PDZD2: variants seen among roughly 807,000 people sequenced by gnomAD.
The protein encoded by PDZD2 is PDZ domain-containing protein 2.
PDZD2 carries 90 observed loss-of-function variants against 220.7 expected under a neutral mutation model. The ratio of observed to expected loss-of-function variants is 0.41; its 90% CI spans 0.34 to 0.49. The LOEUF (loss-of-function observed/expected upper bound fraction) is 0.49, where lower values mean the gene tolerates loss of function less well. PDZD2 is among the 20% of genes least tolerant of loss of function. PDZD2 has a pLI of 0.28. For missense variants in PDZD2, 3,174 were observed against 3,608.5 expected (o/e 0.88, Z 3.08); for synonymous variants, 1,375 against 1,450.5 (o/e 0.95, Z 1.18).
At chr5:31,755,849 G>A (rs1263632546) in intron 1 of PDZD2, among the ~76,000 whole-genome samples, 2 of 152,116 alleles carry the variant, frequency 1.3e-5, no homozygotes, top group African/African-American at 4.8e-5. Context: ...GAGAGGAGGA[G>A]CGGGGCCAAG....
At chr5:31,797,136 G>T (rs1754094685) in intron 1 of PDZD2, among the ~76,000 whole-genome samples, 1 of 124,866 alleles carries the variant, frequency 8.0e-6, no homozygotes, top group South Asian at 2.6e-4. Context: ...GTAGAGACGG[G>T]CTTTCACTGT....
intron 2 of PDZD2, among the ~76,000 whole-genome samples, chr5:31,962,913 G>A (rs989269742): frequency 5.9e-5 from 9 of 152,062 alleles, no homozygotes; most frequent in Non-Finnish European, 1.0e-4. Context: ...AATTTTTCTC[G>A]GTGTTTGTTT....
At chr5:31,927,905 A>G (rs1744936178) in intron 2 of PDZD2, among the ~76,000 whole-genome samples, 2 of 152,262 alleles carry the variant, frequency 1.3e-5, no homozygotes, top group African/African-American at 4.8e-5. Context: ...CTCTCCAGCT[A>G]TACCCCCATT....
intron 2 of PDZD2, among the ~76,000 whole-genome samples, chr5:31,942,956 A>G (rs909864424): frequency 6.6e-6 from 1 of 152,182 alleles, no homozygotes; most frequent in Non-Finnish European, 1.5e-5. Context: ...TAATCCCAGC[A>G]CTTTGGGAGC....
At chr5:31,779,523 G>A (rs1206040786) in intron 1 of PDZD2, among the ~76,000 whole-genome samples, 7 of 151,794 alleles carry the variant, frequency 4.6e-5, no homozygotes, top group Middle Eastern at 3.4e-3. Context: ...ACAGGCGCCC[G>A]CCACCACGCC....
chr5:31,768,470 G>A (rs1176472518), intron 1 of PDZD2, among the ~76,000 whole-genome samples: 6 of 152,024 alleles, frequency 3.9e-5, no homozygotes, highest in African/African-American at 1.2e-4. Context: ...GTGAAACCCC[G>A]TCTCTACTAA....
At chr5:31,922,832 C>G (rs1451577590) in intron 2 of PDZD2, among the ~76,000 whole-genome samples, 2 of 152,160 alleles carry the variant, frequency 1.3e-5, no homozygotes, top group Admixed American at 1.3e-4. Flanking sequence ...GCATGCACCT[C>G]CAGGCCCAGC....
At chr5:31,745,554 G>A (rs890666047) in intron 1 of PDZD2, among the ~76,000 whole-genome samples, 11 of 152,100 alleles carry the variant, frequency 7.2e-5, no homozygotes, top group African/African-American at 2.2e-4. Flanking sequence ...AATCACCTTC[G>A]CTCATGCTTT....
rs963250316 is a variant in PDZD2, at chr5:32,000,341, A to G, written c.1254+70A>G. The G allele has an allele frequency of 2.3e-5, 34 of 1,466,368 alleles. No homozygotes were observed. Among genetic ancestry groups the G allele is most frequent in the African/African-American group, 9.7e-5 (7 of 71,918 alleles). 90.8% of individuals were successfully genotyped at this position (1,466,368 alleles called of 1,614,324 possible). A position where few individuals can be genotyped will look rare whatever the true frequency, so the allele number is the denominator to read the frequency against. On this transcript the variant is annotated intron_variant, in intron 5 of 24. Transcript: ENST00000438447. This position sits in a 1 kb window ranked among gnomAD's most constrained non-coding sequence, Gnocchi z 4.5. Reference sequence around the variant, plus strand: ...GAGTTGGGGTTGAGCCCCACCTCCCATGCCACACACACACACAAAGACATG... The same window carrying G: ...GAGTTGGGGTTGAGCCCCACCTCCCGTGCCACACACACACACAAAGACATG...
intron 2 of PDZD2, among the ~76,000 whole-genome samples, chr5:31,844,176 G>A (rs1019415203): frequency 1.3e-5 from 2 of 152,160 alleles, no homozygotes; most frequent in African/African-American, 4.8e-5. Context: ...CATTGTAAGA[G>A]AGCAAGTCAA....
intron 6 of PDZD2, among the ~76,000 whole-genome samples, chr5:32,011,358 G>A (rs887623090): frequency 6.6e-6 from 1 of 151,842 alleles, no homozygotes; most frequent in South Asian, 2.1e-4. Context: ...AATTAGCCAG[G>A]TGTGGTGGGG....
chr5:31,947,727 A>T (rs1449925862), intron 2 of PDZD2, among the ~76,000 whole-genome samples: 1 of 152,124 alleles, frequency 6.6e-6, no homozygotes, highest in African/African-American at 2.4e-5. Flanking sequence ...TGGGGCTGGA[A>T]AATCGCTTAA....
intron 1 of PDZD2, among the ~76,000 whole-genome samples, chr5:31,705,990 T>G (rs1400923810): frequency 1.3e-5 from 2 of 152,004 alleles, no homozygotes; most frequent in African/African-American, 2.4e-5. Flanking sequence ...AGGCGGAGGT[T>G]GCAGTGAGCC....
At chr5:31,862,101 G>GTTGTTTTTTTTTTTT in intron 2 of PDZD2, among the ~76,000 whole-genome samples, 1 of 78,496 alleles carries the variant, frequency 1.3e-5, no homozygotes, top group Non-Finnish European at 2.4e-5. Context: ...TTTTTTTTGG[G>GTTGTTTTTTTTTTTT]TTTTTTTTTT....
chr5:31,929,056 A>G (rs1188789122), intron 2 of PDZD2, among the ~76,000 whole-genome samples: 1 of 152,186 alleles, frequency 6.6e-6, no homozygotes, highest in Non-Finnish European at 1.5e-5. Context: ...TAAGTACCAG[A>G]AACAAACTGT....
chr5:32,024,265 G>A (rs1166704215), intron 6 of PDZD2, among the ~76,000 whole-genome samples: 1 of 152,182 alleles, frequency 6.6e-6, no homozygotes, highest in Admixed American at 6.5e-5. Flanking sequence ...GAAGGAAAAA[G>A]AATTTTGTGC....
At chr5:32,062,129 T>C (rs1338753546) in intron 14 of PDZD2, among the ~76,000 whole-genome samples, 1 of 152,238 alleles carries the variant, frequency 6.6e-6, no homozygotes, top group African/African-American at 2.4e-5. Context: ...TTAATGTTCA[T>C]TTAACTGTTG....
At position 32,066,024 on chromosome 5, in the gene PDZD2, A is replaced by AAAACAATC. The variant is rs111476225; in HGVS notation, c.2452-3543_2452-3542insACAATCAA. On this transcript the variant is annotated intron_variant, in intron 14 of 24. Transcript: ENST00000438447. ...GGGGGACAAAAGCAAGACTTGGTCT[A>AAAACAATC]AATCAATCAATCAATCAATCAATCA... Among the ~76,000 whole-genome samples the AAAACAATC allele has an allele frequency of 9.0e-3, 1,355 of 150,634 alleles. 22 individuals are homozygous for AAAACAATC. The highest frequency in any genetic ancestry group is 0.032 in the African/African-American group (1,307 of 40,832).
chr5:31,821,941 G>A lies in PDZD2; in HGVS notation c.476+22217G>A, dbSNP rs952682968. 4.6e-5 allele frequency among the ~76,000 whole-genome samples: 7 copies of A among 151,700 alleles called. No individual in the cohort carries two copies. The East Asian group carries it at 5.8e-4, about 13-fold the overall frequency. The stretch of plus-strand genomic sequence containing the variant: ...CTCCCACTTATGAGTGAGAACATGC[G>A]GTGTTTGGTTTTCTGTTTCTGTGTT... On this transcript the variant is annotated intron_variant, in intron 2 of 24. Transcript: ENST00000438447.
Sources: gnomAD v4.1 joint callset for allele counts (sites outside exome capture counted in the v4.1 genomes callset) on GRCh38, gnomAD v4.1.1 for gene constraint, Gnocchi (gnomAD v3.1) non-coding constraint, MANE v1.5 for transcripts, NCBI Gene and HGNC (gene_info 2026-07-23, HGNC 2026-07-21) for gene names.